The following PDGFRA variants were observed in gnomAD, a reference collection of about 807,000 sequenced individuals.
PDGFRA encodes the protein platelet-derived growth factor receptor alpha.
Under a neutral mutation model 121.5 loss-of-function variants are expected in PDGFRA, and 25 were observed. The ratio of observed to expected loss-of-function variants is 0.21; its 90% CI spans 0.15 to 0.29. PDGFRA has a LOEUF of 0.29. Among genes scored for constraint, PDGFRA ranks in the 10% least tolerant of loss-of-function variants. PDGFRA has a pLI of 1.00. For missense variants in PDGFRA, 1,008 were observed against 1,345.1 expected (o/e 0.75, Z 3.92); for synonymous variants, 463 against 494.8 (o/e 0.94, Z 0.85).
rs1386798855 is a variant in PDGFRA, at chr4:54,295,623, A to G, written c.*351A>G. On this transcript the variant is annotated 3_prime_UTR_variant, in exon 23 of 23. Coordinates refer to ENST00000257290, the MANE Select transcript of PDGFRA (RefSeq NM_006206.6). ...TACTGCGACAGAACTTCAGCATTGTAATTATGTAAATAACTCTAACCAAGG... is the reference window on the plus strand; with the variant it reads ...TACTGCGACAGAACTTCAGCATTGTGATTATGTAAATAACTCTAACCAAGG... 5.0e-6 allele frequency: 2 copies of G among 399,278 alleles called. No homozygotes were observed. The highest frequency in any genetic ancestry group is 9.3e-6 in the Non-Finnish European group (2 of 215,280). The allele number at this position is 399,278 out of a possible 1,614,324, so 24.7% of individuals were successfully genotyped here.
At chr4:54,239,740 C>G (rs1721195487) in intron 1 of PDGFRA, among the ~76,000 whole-genome samples, 2 of 152,316 alleles carry the variant, frequency 1.3e-5, no homozygotes, top group East Asian at 1.9e-4. Context: ...TCTGGGTGCC[C>G]CAGATGGGAG....
At chr4:54,250,090 CA>C (rs1463759390) in intron 1 of PDGFRA, among the ~76,000 whole-genome samples, 10 of 151,954 alleles carry the variant, frequency 6.6e-5, no homozygotes, top group Admixed American at 4.6e-4. Context: ...TGTATTATTA[CA>C]AGATAATGAA....
rs1166246404 is a variant in PDGFRA at position 54,296,850 on chromosome 4, T to G, written c.*1578T>G. On this transcript the variant is annotated 3_prime_UTR_variant, in exon 23 of 23. Transcript: ENST00000257290. ...CAGGTTAGTGACATTTAATGCCATC[T>G]AGCTAGCAATTGCGACCTTAATTTA... The G allele has an allele frequency of 8.6e-6, 2 of 232,962 alleles. No individual in the cohort carries two copies. Among genetic ancestry groups the G allele is most frequent in the Non-Finnish European group, 1.7e-5 (2 of 117,890 alleles). 14.4% of individuals were successfully genotyped at this position (232,962 alleles called of 1,614,324 possible).
intron 10 of PDGFRA, among the ~76,000 whole-genome samples, 176 bp from the exon 11 acceptor site, chr4:54,274,355 T>C (rs1383265435): frequency 1.3e-5 from 2 of 152,186 alleles, no homozygotes; most frequent in Non-Finnish European, 2.9e-5. Flanking sequence ...TGTAGTTTCC[T>C]GGGTGTAGAT....
intron 2 of PDGFRA, among the ~76,000 whole-genome samples, chr4:54,260,226 G>T (rs1278886537): frequency 2.6e-5 from 4 of 151,892 alleles, no homozygotes; most frequent in Non-Finnish European, 4.4e-5. Flanking sequence ...TAAAAATAAA[G>T]AAATAAATAA....
At chr4:54,255,643 C>T (rs1287356323) in intron 1 of PDGFRA, among the ~76,000 whole-genome samples, 3 of 151,800 alleles carry the variant, frequency 2.0e-5, no homozygotes, top group African/African-American at 2.4e-5. Context: ...GTAGCGGGGA[C>T]TACAGGTGCC....
At chr4:54,237,809 T>A (rs1045390505) in intron 1 of PDGFRA, among the ~76,000 whole-genome samples, 1 of 151,972 alleles carries the variant, frequency 6.6e-6, no homozygotes, top group African/African-American at 2.4e-5. Flanking sequence ...GAGGTATAAT[T>A]TGCCCTAGGA....
chr4:54,231,054 T>C (rs1255647154), intron 1 of PDGFRA, among the ~76,000 whole-genome samples: 1 of 152,218 alleles, frequency 6.6e-6, no homozygotes, highest in Non-Finnish European at 1.5e-5. Flanking sequence ...CCTCGCGTCT[T>C]GGTCGGGAAG....
intron 16 of PDGFRA, 135 bp from the exon 17 acceptor site, chr4:54,285,236 A>G: frequency 1.5e-6 from 1 of 676,534 alleles, no homozygotes. Flanking sequence ...GCATAGTGAT[A>G]TTCATCTGTG....
intron 2 of PDGFRA, 138 bp from the exon 3 acceptor site, chr4:54,260,957 C>T: frequency 1.4e-6 from 1 of 728,818 alleles, no homozygotes; most frequent in South Asian, 1.8e-5. Flanking sequence ...GGGGAGCTTT[C>T]ATGGGCATCC....
intron 11 of PDGFRA, 91 bp from the exon 12 acceptor site, chr4:54,274,750 C>T (rs1157732813): frequency 6.6e-7 from 1 of 1,511,706 alleles, no homozygotes; most frequent in Non-Finnish European, 9.2e-7. Context: ...TTGTTGGACT[C>T]TACTGTGTCC....
At chr4:54,283,538 C>T (rs755176263) in intron 16 of PDGFRA, among the ~76,000 whole-genome samples, 1 of 152,228 alleles carries the variant, frequency 6.6e-6, no homozygotes, top group Non-Finnish European at 1.5e-5. Context: ...CCCTCCTAGG[C>T]CTCTGGGCCT....
At chr4:54,244,280 C>A (rs1721487683) in intron 1 of PDGFRA, among the ~76,000 whole-genome samples, 1 of 151,776 alleles carries the variant, frequency 6.6e-6, no homozygotes, top group African/African-American at 2.4e-5. Context: ...GGGTCCCTGA[C>A]CCCTGACCCC....
chr4:54,288,495 T>G (rs552999795), intron 19 of PDGFRA, among the ~76,000 whole-genome samples: 1 of 152,262 alleles, frequency 6.6e-6, no homozygotes, highest in East Asian at 1.9e-4. Flanking sequence ...CTTGCTTTTC[T>G]AGTTCATTTT....
intron 13 of PDGFRA, 51 bp downstream of exon 13, chr4:54,277,543 G>A (rs1489532689): frequency 1.7e-6 from 2 of 1,204,960 alleles, no homozygotes; most frequent in Non-Finnish European, 2.5e-6. Flanking sequence ...TTTTGAGCAT[G>A]GGGATATTAA....
At chr4:54,284,514 G>A (rs561934371) in intron 16 of PDGFRA, among the ~76,000 whole-genome samples, 103 of 152,026 alleles carry the variant, frequency 6.8e-4, no homozygotes, top group African/African-American at 2.2e-3. Flanking sequence ...GGAAGGTAAA[G>A]GGGGAGCAGG....
chr4:54,236,867 C>G (rs1020011563), intron 1 of PDGFRA, among the ~76,000 whole-genome samples: 10 of 152,032 alleles, frequency 6.6e-5, no homozygotes, highest in Non-Finnish European at 1.3e-4. Context: ...TGATTTCTAC[C>G]CAGGGAACCA....
intron 1 of PDGFRA, 62 bp from the exon 2 acceptor site, chr4:54,258,695 A>G: frequency 2.0e-6 from 2 of 975,660 alleles, no homozygotes; most frequent in Non-Finnish European, 1.7e-6. Flanking sequence ...CACAAAGAGA[A>G]CTAGGCTCCA....
intron 16 of PDGFRA, among the ~76,000 whole-genome samples, chr4:54,283,674 G>GC (rs2110331906): frequency 6.6e-6 from 1 of 152,322 alleles, no homozygotes; most frequent in South Asian, 2.1e-4. Context: ...TTGCCCAGCA[G>GC]CCCTCTTTAA....
Sources: allele counts gnomAD v4.1 joint callset (sites outside exome capture counted in the v4.1 genomes callset), GRCh38; gene constraint gnomAD v4.1.1; transcripts MANE v1.5; gene names NCBI Gene and HGNC (gene_info 2026-07-23, HGNC 2026-07-21).